The following STK31 variants were observed in gnomAD, a reference collection of about 807,000 sequenced individuals.
The protein encoded by STK31 is serine/threonine-protein kinase 31.
A neutral mutation model predicts 129.7 loss-of-function variants in STK31; 89 were observed. That is an observed-to-expected ratio of 0.69 (90% CI 0.58 to 0.82). The LOEUF is 0.82. STK31 is among the 40% of genes least tolerant of loss of function. The pLI, the probability that STK31 is intolerant of heterozygous loss-of-function variation, is 0.00. For synonymous variants in STK31, 448 were observed against 395.3 expected (o/e 1.13, Z -1.58); for missense variants, 1,187 against 1,176.4 (o/e 1.01, Z -0.13).
intron 10 of STK31, among the ~76,000 whole-genome samples, chr7:23,757,712 G>A (rs1157475805): frequency 6.6e-6 from 1 of 151,608 alleles, no homozygotes; most frequent in Admixed American, 6.6e-5. Context: ...TATCTCAACT[G>A]CAAAGAGGCC....
intron 8 of STK31, among the ~76,000 whole-genome samples, chr7:23,738,947 A>G (rs867894375): frequency 9.9e-5 from 15 of 152,164 alleles, no homozygotes; most frequent in African/African-American, 3.6e-4. Flanking sequence ...ATGTGTGCAT[A>G]TGTCTTTATA....
rs993965742 is a variant in STK31 at position 23,760,123 on chromosome 7, GTTTTC to G, written c.1294-2674_1294-2670del. Reference sequence around the variant, plus strand: ...ACAAGTATATTTATTTCCTGTTGCAGTTTTCTTTAATTTATTGTATTGGGCTGAAC... The same window carrying G: ...ACAAGTATATTTATTTCCTGTTGCAGTTTAATTTATTGTATTGGGCTGAAC... On this transcript the variant is annotated intron_variant, in intron 10 of 23. Coordinates refer to ENST00000355870, the MANE Select transcript of STK31 (RefSeq NM_031414.5). 1.6e-3 allele frequency among the ~76,000 whole-genome samples: 243 copies of G among 152,246 alleles called. 1 individual carries two copies. The highest frequency in any genetic ancestry group is 5.7e-3 in the African/African-American group (235 of 41,550).
chr7:23,813,644 G>A (rs150534443), intron 22 of STK31, among the ~76,000 whole-genome samples: 21 of 152,196 alleles, frequency 1.4e-4, no homozygotes, highest in African/African-American at 3.9e-4. Flanking sequence ...GCGTGCTGCT[G>A]GGCCTCCAGT....
chr7:23,712,155 C>A lies in STK31; in HGVS notation c.97+10C>A. ...ACACATTACGATAAAGGTACTGACA[C>A]TAAAAATTATTTTGGGGTGTAAGAG... On this transcript the variant is annotated intron_variant, in intron 2 of 23. Coordinates refer to ENST00000355870, the MANE Select transcript of STK31 (RefSeq NM_031414.5). 1 of 1,613,518 alleles carries A rather than the reference C, an allele frequency of 6.2e-7. No homozygotes were observed. The highest frequency in any genetic ancestry group is 8.5e-7 in the Non-Finnish European group (1 of 1,179,586).
At chr7:23,793,291 C>G (rs555458117) in intron 22 of STK31, among the ~76,000 whole-genome samples, 107 of 152,218 alleles carry the variant, frequency 7.0e-4, no homozygotes, top group African/African-American at 2.5e-3. Context: ...GAGTCTAAAA[C>G]TTATAGAAGA....
chr7:23,791,182 A>G lies in STK31; in HGVS notation c.2760+236A>G, dbSNP rs965046174. The G allele has an allele frequency of 2.7e-5, 23 of 851,546 alleles. No homozygotes were observed. In the African/African-American group the frequency reaches 4.0e-4, roughly 15 times the overall value. The allele number at this position is 851,546 out of a possible 1,614,324, so 52.7% of individuals were successfully genotyped here. A position where few individuals can be genotyped will look rare whatever the true frequency, so the allele number is the denominator to read the frequency against. ...CTTGGTTCTGTTGAAGTCAAGATTA[A>G]CAGTGAAGATGATTTTGTCCTACAT... is the stretch of plus-strand genomic sequence containing the variant. On this transcript the variant is annotated intron_variant, in intron 22 of 23. Transcript: ENST00000355870.
chr7:23,749,538 A>C (rs1339361970), intron 8 of STK31, among the ~76,000 whole-genome samples: 4 of 142,168 alleles, frequency 2.8e-5, no homozygotes, highest in African/African-American at 1.1e-4. Context: ...TTTTGGGGGT[A>C]GAGACCATTT....
intron 8 of STK31, 81 bp from the exon 9 acceptor site, chr7:23,752,636 C>A: frequency 9.3e-7 from 1 of 1,077,950 alleles, no homozygotes; most frequent in Non-Finnish European, 1.4e-6. Flanking sequence ...CCACTGTGCC[C>A]AGCCAAAAAT....
rs1791213533 is a variant in STK31 at position 23,785,472 on chromosome 7, G to T, written c.2149-6G>T. On this transcript the variant is annotated splice_polypyrimidine_tract_variant and splice_region_variant and intron_variant, in intron 17 of 23. Transcript: ENST00000355870. ...TTCTTTAACTGTGATAAAAACTTGT[G>T]CCTAGAACTCTGGTGGTCTCCTTAC... 3.1e-6 allele frequency: 5 copies of T among 1,612,112 alleles called. No individual in the cohort carries two copies. The African/African-American group carries it at 5.3e-5, about 17-fold the overall frequency.
Position 23,760,816 on chromosome 7 carries a change from A to G in STK31, c.1294-1985A>G, listed in dbSNP as rs761681775. ...TAGGACTACAGGCGGTGTACTACCAACCATGCCTGGCTAATTTTTTTGTAC... is the reference window on the plus strand; with the variant it reads ...TAGGACTACAGGCGGTGTACTACCAGCCATGCCTGGCTAATTTTTTTGTAC... On this transcript the variant is annotated intron_variant, in intron 10 of 23. Transcript: ENST00000355870. Among the ~76,000 whole-genome samples the G allele has an allele frequency of 1.1e-4, 17 of 152,066 alleles. No individual in the cohort carries two copies. In the Middle Eastern group the frequency reaches 0.01, roughly 91 times the overall value.
At chr7:23,783,930 G>GTTAAAAT (rs1418058434) in intron 17 of STK31, among the ~76,000 whole-genome samples, 5 of 152,128 alleles carry the variant, frequency 3.3e-5, no homozygotes, top group African/African-American at 1.2e-4. Flanking sequence ...AATTATAGGT[G>GTTAAAAT]TTTACTTTTT....
chr7:23,769,356 C>CA (rs1584414229), intron 12 of STK31, among the ~76,000 whole-genome samples, 182 bp downstream of exon 12: 1 of 151,734 alleles, frequency 6.6e-6, no homozygotes, highest in Non-Finnish European at 1.5e-5. Flanking sequence ...TTATTAGTCT[C>CA]AAAAAAATCA....
At chr7:23,773,035 A>G (rs1357885802) in intron 15 of STK31, among the ~76,000 whole-genome samples, 2 of 152,024 alleles carry the variant, frequency 1.3e-5, no homozygotes, top group African/African-American at 2.4e-5. Context: ...TGATTTTTCA[A>G]CTTTTGGAGA....
chr7:23,745,024 G>A (rs1788266781), intron 8 of STK31, among the ~76,000 whole-genome samples: 1 of 152,184 alleles, frequency 6.6e-6, no homozygotes, highest in South Asian at 2.1e-4. Context: ...GGTGATAGTA[G>A]CAATGGCTTG....
chr7:23,788,456 A>G (rs1791427207), intron 21 of STK31, among the ~76,000 whole-genome samples: 1 of 152,112 alleles, frequency 6.6e-6, no homozygotes, highest in Non-Finnish European at 1.5e-5. Flanking sequence ...ACCTCTCTCC[A>G]CTGGTGTCCC....
intron 22 of STK31, among the ~76,000 whole-genome samples, chr7:23,810,748 TATATATA>T (rs1168847906): frequency 6.8e-5 from 9 of 132,118 alleles, no homozygotes; most frequent in South Asian, 4.3e-4. Context: ...ATAAAATAGA[TATATATA>T]ATATATAATA....
chr7:23,746,020 C>T (rs1788330237), intron 8 of STK31, among the ~76,000 whole-genome samples: 1 of 152,204 alleles, frequency 6.6e-6, no homozygotes, highest in East Asian at 1.9e-4. Flanking sequence ...GTACTTGCAG[C>T]CAGCTGCAGT....
intron 3 of STK31, among the ~76,000 whole-genome samples, chr7:23,713,561 T>G (rs1786108795): frequency 6.6e-6 from 1 of 152,222 alleles, no homozygotes. Flanking sequence ...ACAAACATTG[T>G]AGAGCTGTGC....
At chr7:23,778,040 A>C (rs1790671463) in intron 15 of STK31, among the ~76,000 whole-genome samples, 1 of 152,254 alleles carries the variant, frequency 6.6e-6, no homozygotes, top group East Asian at 1.9e-4. Context: ...GATTGTGACA[A>C]AGTCTCTCAG....
Sources: allele counts gnomAD v4.1 joint callset (sites outside exome capture counted in the v4.1 genomes callset), GRCh38; gene constraint gnomAD v4.1.1; transcripts MANE v1.5; gene names NCBI Gene and HGNC (gene_info 2026-07-23, HGNC 2026-07-21).